Variants in PDZD2 observed in about 807,000 individuals in gnomAD.
PDZD2 encodes the protein PDZ domain-containing protein 2.
Under a neutral mutation model 220.7 loss-of-function variants are expected in PDZD2, and 90 were observed. The observed-to-expected ratio is 0.41, with a 90% confidence interval of 0.34 to 0.49. The LOEUF (loss-of-function observed/expected upper bound fraction) is 0.49. Ranked by LOEUF, PDZD2 falls within the 20% of genes least tolerant of loss-of-function variation. The probability of loss-of-function intolerance (pLI) is 0.28; values close to 1 mark genes in which losing one functional copy is unlikely to be tolerated. For synonymous variants in PDZD2, 1,375 were observed against 1,450.5 expected, an observed-to-expected ratio of 0.95 and a Z score of 1.18; for missense variants, 3,174 against 3,608.5, an observed-to-expected ratio of 0.88 and a Z score of 3.08.
chr5:32,096,829 A>T (rs1320564763), intron 21 of PDZD2, among the ~76,000 whole-genome samples: 30 of 96,818 alleles, frequency 3.1e-4, no homozygotes, highest in East Asian at 6.5e-4. Flanking sequence ...ATGTACTATG[A>T]TTTTTTTTTT....
chr5:31,672,354 C>T (rs1580544971), intron 1 of PDZD2, among the ~76,000 whole-genome samples: 1 of 152,226 alleles, frequency 6.6e-6, no homozygotes, highest in Non-Finnish European at 1.5e-5. Flanking sequence ...CAGCAATCTA[C>T]ACTCCAGTGG....
At chr5:32,093,996 A>G (rs1261951007) in intron 21 of PDZD2, among the ~76,000 whole-genome samples, 4 of 151,202 alleles carry the variant, frequency 2.6e-5, no homozygotes, top group East Asian at 1.9e-4. Context: ...AAAAAAAGTC[A>G]TAAGAGAAAG....
At chr5:31,850,176 ATATATATAAGTATATATG>A (rs909478746) in intron 2 of PDZD2, among the ~76,000 whole-genome samples, 2 of 127,822 alleles carry the variant, frequency 1.6e-5, no homozygotes, top group Non-Finnish European at 3.3e-5. Context: ...ATATATAAGT[ATATATATAAGTATATATG>A]TATATATAAG....
At chr5:31,771,289 C>T (rs6450857) in intron 1 of PDZD2, among the ~76,000 whole-genome samples, 62,305 of 151,936 alleles carry the variant, frequency 0.41, 13,272 homozygotes, top group Non-Finnish European at 0.45. Flanking sequence ...TTGCAGTATA[C>T]TTTGGTATTT....
At chr5:31,901,590 GT>G (rs1337646337) in intron 2 of PDZD2, among the ~76,000 whole-genome samples, 1 of 152,026 alleles carries the variant, frequency 6.6e-6, no homozygotes, top group African/African-American at 2.4e-5. Flanking sequence ...CTCCTAGGAG[GT>G]TTTTTTAAAA....
In PDZD2 at chr5:32,087,612, G is replaced by A. The variant is rs1742621148; in HGVS notation, c.4164G>A (p.Arg1388=). Residue 1388 remains arginine, a synonymous_variant, in exon 20 of 25, where the codon AGG becomes AGA. Transcript: ENST00000438447. This position sits in a 1 kb window ranked among gnomAD's most constrained non-coding sequence, Gnocchi z 4.0. ...LLEGADSVSS[R]APQASLSMLP... The stretch of plus-strand genomic sequence containing the variant: ...AGGGAGCAGATTCTGTGTCCTCAAG[G>A]GCACCGCAGGCCAGCCTCTCCATGC... 2 of 1,614,138 alleles carry A rather than the reference G, an allele frequency of 1.2e-6. No homozygotes were observed. The highest frequency in any genetic ancestry group is 1.7e-6 in the Non-Finnish European group (2 of 1,180,024).
At chr5:31,659,656 G>C (rs1218714890) in intron 1 of PDZD2, among the ~76,000 whole-genome samples, 1 of 152,044 alleles carries the variant, frequency 6.6e-6, no homozygotes, top group African/African-American at 2.4e-5. Flanking sequence ...TTCTTGTATA[G>C]GACTGCTAAG....
At chr5:32,034,948 C>A (rs894261721) in intron 6 of PDZD2, among the ~76,000 whole-genome samples, 3 of 152,196 alleles carry the variant, frequency 2.0e-5, no homozygotes, top group Non-Finnish European at 4.4e-5. Context: ...TTTTTCTTCA[C>A]AATTTAAACC....
At chr5:31,696,450 C>A (rs547234077) in intron 1 of PDZD2, among the ~76,000 whole-genome samples, 1 of 145,524 alleles carries the variant, frequency 6.9e-6, no homozygotes, top group South Asian at 2.2e-4. Context: ...CACACACCAC[C>A]ACACTCAGCT....
intron 1 of PDZD2, among the ~76,000 whole-genome samples, chr5:31,779,263 C>G (rs1752912506): frequency 6.6e-6 from 1 of 152,150 alleles, no homozygotes; most frequent in Non-Finnish European, 1.5e-5. Flanking sequence ...TTCAGGATTC[C>G]ACAGGACTGG....
intron 4 of PDZD2, among the ~76,000 whole-genome samples, chr5:31,998,881 G>A (rs952499990): frequency 2.6e-5 from 4 of 152,244 alleles, no homozygotes; most frequent in African/African-American, 7.2e-5. Context: ...GAGGCTCGAG[G>A]TCCCTCTGCC....
intron 3 of PDZD2, among the ~76,000 whole-genome samples, chr5:31,986,317 C>A (rs1750716349): frequency 6.6e-6 from 1 of 152,106 alleles, no homozygotes; most frequent in African/African-American, 2.4e-5. Flanking sequence ...GTTTATAATT[C>A]ATATTCTGAT....
At chr5:31,730,415 T>C (rs1303614702) in intron 1 of PDZD2, among the ~76,000 whole-genome samples, 1 of 152,096 alleles carries the variant, frequency 6.6e-6, no homozygotes, top group Non-Finnish European at 1.5e-5. Context: ...AGAGGCAGAG[T>C]ACATGTGATT....
At position 32,089,156 on chromosome 5, in the gene PDZD2, C is replaced by T. The variant is rs138400638; in HGVS notation, c.5708C>T (p.Ala1903Val). The change falls in exon 20 of 25, where the codon GCG becomes GTG. Residue 1903 changes from alanine to valine, a missense_variant. Physicochemically the swap from Ala to Val is moderately conservative, Grantham distance 64. This residue lies in a region of PDZD2 where 1,861 missense variants were observed against 2,001.0 expected (regional missense o/e 0.93). Coordinates refer to ENST00000438447, the MANE Select transcript of PDZD2 (RefSeq NM_178140.4). ...AAAGTCAACTCTGAGGCCCCTGCTG[C>T]GAATGCTGTGAAGGCTGGGGGGACG... Reference protein sequence around the residue: ...KAKVNSEAPAANAVKAGGTDH... With the variant: ...KAKVNSEAPAVNAVKAGGTDH... 9.3e-6 allele frequency: 15 copies of T among 1,612,378 alleles called. No individual in the cohort carries two copies. In the East Asian group the frequency reaches 2.5e-4, roughly 26 times the overall value.
At chr5:31,860,170 T>C (rs1042508538) in intron 2 of PDZD2, among the ~76,000 whole-genome samples, 1 of 152,110 alleles carries the variant, frequency 6.6e-6, no homozygotes, top group Non-Finnish European at 1.5e-5. Context: ...TCACCTGTTT[T>C]TTCGCCCCTG....
chr5:31,886,836 T>C (rs1580995879), intron 2 of PDZD2, among the ~76,000 whole-genome samples: 1 of 152,230 alleles, frequency 6.6e-6, no homozygotes, highest in East Asian at 1.9e-4. Context: ...TAGCTGGCAC[T>C]ACAGGCGCCT....
chr5:31,935,429 G>T (rs1304157154), intron 2 of PDZD2, among the ~76,000 whole-genome samples: 1 of 152,080 alleles, frequency 6.6e-6, no homozygotes, highest in East Asian at 1.9e-4. Flanking sequence ...AAATCATATT[G>T]TGTTTAAAAG....
At chr5:32,092,243 C>T (rs1743224136) in intron 20 of PDZD2, among the ~76,000 whole-genome samples, 1 of 148,754 alleles carries the variant, frequency 6.7e-6, no homozygotes, top group African/African-American at 2.5e-5. Context: ...CACTGCACTC[C>T]AGCCTGGGCA....
In PDZD2 at chr5:31,736,634, G is replaced by T. The variant is rs191885684; in HGVS notation, c.-360-62255G>T. On this transcript the variant is annotated intron_variant, in intron 1 of 24. Transcript: ENST00000438447. Reference sequence around the variant, plus strand: ...CTTATTTTATTGGCGAGGGGAAGTGGCTTGCCAAATCAGTGGCAGAATAAG... The same window carrying T: ...CTTATTTTATTGGCGAGGGGAAGTGTCTTGCCAAATCAGTGGCAGAATAAG... Among the ~76,000 whole-genome samples, 615 of 152,332 alleles carry T rather than the reference G, an allele frequency of 4.0e-3. 9 individuals are homozygous for T. The highest frequency in any genetic ancestry group is 0.026 in the South Asian group (124 of 4,826).
Sources: allele counts gnomAD v4.1 joint callset (sites outside exome capture counted in the v4.1 genomes callset), GRCh38; gene constraint gnomAD v4.1.1; regional missense constraint gnomAD v4.1.1; non-coding constraint Gnocchi (gnomAD v3.1); transcripts MANE v1.5; gene names NCBI Gene and HGNC (gene_info 2026-07-23, HGNC 2026-07-21).